The following MAP3K4 variants were observed in gnomAD, a reference collection of about 807,000 sequenced individuals.
MAP3K4 encodes the protein mitogen-activated protein kinase kinase kinase 4, also known as MAP three kinase 1.
MAP3K4 carries 67 observed loss-of-function variants against 185.6 expected under a neutral mutation model. The ratio of observed to expected loss-of-function variants is 0.36; its 90% CI spans 0.30 to 0.44. The LOEUF is 0.44. Ranked by LOEUF, MAP3K4 falls within the 20% of genes least tolerant of loss-of-function variation. The pLI is 1.00. For synonymous variants in MAP3K4, 702 were observed against 710.4 expected, an observed-to-expected ratio of 0.99 and a Z score of 0.19; for missense variants, 1,551 against 1,995.1, an observed-to-expected ratio of 0.78 and a Z score of 4.24.
intron 1 of MAP3K4, among the ~76,000 whole-genome samples, chr6:161,025,851 T>G (rs977745481): frequency 2.0e-4 from 31 of 152,322 alleles, no homozygotes; most frequent in Admixed American, 1.1e-3. Context: ...TAAGCCCCTT[T>G]GTTTGTTTTT....
chr6:161,089,211 T>C, intron 10 of MAP3K4, 111 bp from the exon 11 acceptor site: 1 of 1,172,052 alleles, frequency 8.5e-7, no homozygotes, highest in Non-Finnish European at 1.2e-6. Flanking sequence ...GATTAGATGG[T>C]TGTTGGCCTG....
chr6:161,023,899 C>G (rs1782516100), intron 1 of MAP3K4, among the ~76,000 whole-genome samples: 2 of 152,274 alleles, frequency 1.3e-5, no homozygotes, highest in South Asian at 4.1e-4. Flanking sequence ...AGTCATGAAA[C>G]TATTCAATGT....
chr6:161,048,997 AAGAC>A lies in MAP3K4; in HGVS notation c.728_731del (p.Asp243GlyfsTer20). The A allele has an allele frequency of 6.2e-7, 1 of 1,614,086 alleles. No individual in the cohort carries two copies. Among genetic ancestry groups the A allele is most frequent in the Non-Finnish European group, 8.5e-7 (1 of 1,179,986 alleles). ...AAGCTTACCTCAGTCTCAAAGAAAA[AAGAC>A]AGGGAGCAAAGAGGACAAGAAAATA... On this transcript the variant is annotated frameshift_variant, in exon 3 of 27. Coordinates refer to ENST00000392142, the MANE Select transcript of MAP3K4 (RefSeq NM_005922.4). LOFTEE classifies it high-confidence loss of function. The surrounding 1 kb of genome is among the most constrained non-coding windows in gnomAD (Gnocchi z 4.7).
intron 1 of MAP3K4, among the ~76,000 whole-genome samples, chr6:160,998,979 C>T (rs912289104): frequency 6.6e-6 from 1 of 152,182 alleles, no homozygotes; most frequent in African/African-American, 2.4e-5. Context: ...AGACCTACCT[C>T]AGCAGTATTG....
intron 2 of MAP3K4, among the ~76,000 whole-genome samples, chr6:161,035,718 A>C (rs994168638): frequency 1.3e-5 from 2 of 152,242 alleles, no homozygotes; most frequent in African/African-American, 4.8e-5. Context: ...TGACTATAGA[A>C]GTTTCTTATC....
chr6:161,014,719 G>C (rs1782005516), intron 1 of MAP3K4, among the ~76,000 whole-genome samples: 1 of 152,086 alleles, frequency 6.6e-6, no homozygotes, highest in Non-Finnish European at 1.5e-5. Context: ...TAACAGTAGG[G>C]CTCTTGCCTT....
intron 3 of MAP3K4, among the ~76,000 whole-genome samples, chr6:161,065,929 C>T: frequency 1.3e-5 from 1 of 75,220 alleles, no homozygotes; most frequent in Non-Finnish European, 2.9e-5. Context: ...AAGAGCAAGA[C>T]TCCGTCTCAA....
Position 161,093,169 on chromosome 6 carries a change from A to T in MAP3K4, c.3348+113A>T, listed in dbSNP as rs890899045. 61 of 678,646 alleles carry T rather than the reference A, an allele frequency of 9.0e-5. 1 individual carries two copies. In the African/African-American group the frequency reaches 9.3e-4, roughly 10 times the overall value. The allele number at this position is 678,646 out of a possible 1,614,324, so 42.0% of individuals were successfully genotyped here. On this transcript the variant is annotated intron_variant, in intron 14 of 26. Coordinates refer to ENST00000392142, the MANE Select transcript of MAP3K4 (RefSeq NM_005922.4). This position sits in a 1 kb window ranked among gnomAD's most constrained non-coding sequence, Gnocchi z 5.2. ...GTTTTTTTCATGAGATATTAATCTC[A>T]GCATATCATGTAATGATAATGCTGA...
intron 11 of MAP3K4, among the ~76,000 whole-genome samples, chr6:161,090,263 GGA>G (rs1374171077): frequency 1.3e-5 from 2 of 152,218 alleles, no homozygotes; most frequent in African/African-American, 4.8e-5. Context: ...ATTGCCTGAT[GGA>G]GACCTTGTGT....
chr6:161,087,243 C>T lies in MAP3K4; in HGVS notation c.2557-445C>T, dbSNP rs1785773310. Among the ~76,000 whole-genome samples, 1 of 152,322 alleles carries T rather than the reference C, an allele frequency of 6.6e-6. No homozygotes were observed. ...CACCACATGTGTACCCTTTGAGAAA[C>T]TGATCTCAAGGAGCCTTCTTGTGAT... On this transcript the variant is annotated intron_variant, in intron 9 of 26. Coordinates refer to ENST00000392142, the MANE Select transcript of MAP3K4 (RefSeq NM_005922.4). This position sits in a 1 kb window ranked among gnomAD's most constrained non-coding sequence, Gnocchi z 4.9.
At chr6:161,028,767 C>T (rs1782788405) in intron 1 of MAP3K4, among the ~76,000 whole-genome samples, 1 of 151,934 alleles carries the variant, frequency 6.6e-6, no homozygotes, top group African/African-American at 2.4e-5. Context: ...TTGTAAAGAC[C>T]CTATGCTCTG....
At chr6:161,042,617 CTGTT>C (rs1404484528) in intron 2 of MAP3K4, among the ~76,000 whole-genome samples, 2 of 152,280 alleles carry the variant, frequency 1.3e-5, no homozygotes, top group East Asian at 1.9e-4. Context: ...TCAAATATAA[CTGTT>C]TGTTCTTAAG....
In MAP3K4 at chr6:161,048,859, C is replaced by T. The variant is rs1170438773; in HGVS notation, c.587C>T (p.Ala196Val). ...KPYLSLGCSN[A>V]KLPVSVPMPI... ...TACCTCAGCCTTGGCTGTAGCAATG[C>T]TAAGCTTCCAGTATCTGTGCCCATG... is the stretch of plus-strand genomic sequence containing the variant. The change falls in exon 3 of 27, where the codon GCT becomes GTT. Residue 196 changes from alanine (A) to valine (V), a missense_variant. Around this residue, in one of 16 missense-constraint regions of MAP3K4, gnomAD observed 287 missense variants for 268.8 expected, o/e 1.07. Coordinates refer to ENST00000392142, the MANE Select transcript of MAP3K4 (RefSeq NM_005922.4). This position sits in a 1 kb window ranked among gnomAD's most constrained non-coding sequence, Gnocchi z 4.7. 1 of 1,614,172 alleles carries T rather than the reference C, an allele frequency of 6.2e-7. No individual in the cohort carries two copies. The highest frequency in any genetic ancestry group is 8.5e-7 in the Non-Finnish European group (1 of 1,180,024).
Position 161,076,392 on chromosome 6 carries a change from T to A in MAP3K4, c.2097+2780T>A, listed in dbSNP as rs1017224737. The stretch of plus-strand genomic sequence containing the variant: ...GGGAGGGGAAGCAGTGATTAGCAAG[T>A]TATGATGCAGAAATTCTGTGACCTT... On this transcript the variant is annotated intron_variant, in intron 5 of 26. Coordinates refer to ENST00000392142, the MANE Select transcript of MAP3K4 (RefSeq NM_005922.4). The surrounding 1 kb of genome is among the most constrained non-coding windows in gnomAD (Gnocchi z 4.2). 2.0e-5 allele frequency among the ~76,000 whole-genome samples: 3 copies of A among 152,160 alleles called. No homozygotes were observed. Among genetic ancestry groups the A allele is most frequent in the Non-Finnish European group, 4.4e-5 (3 of 68,032 alleles).
chr6:161,024,497 A>C (rs1033776472), intron 1 of MAP3K4, among the ~76,000 whole-genome samples: 9 of 152,204 alleles, frequency 5.9e-5, no homozygotes, highest in African/African-American at 1.9e-4. Context: ...TCCAGGGACC[A>C]CATTAGTTGT....
intron 1 of MAP3K4, among the ~76,000 whole-genome samples, chr6:161,000,208 TAAA>T (rs1781202823): frequency 6.6e-6 from 1 of 152,224 alleles, no homozygotes; most frequent in Admixed American, 6.5e-5. Flanking sequence ...TCTGTTCTAT[TAAA>T]AATTGTTCAT....
chr6:160,992,077 C>T lies in MAP3K4; in HGVS notation c.146C>T (p.Ala49Val), dbSNP rs868511310. 1 of 1,569,362 alleles carries T rather than the reference C, an allele frequency of 6.4e-7. No homozygotes were observed. Reference protein sequence around the residue: ...ETESEPECCLAARQEGTLGDS... With the variant: ...ETESEPECCLVARQEGTLGDS... Reference sequence around the variant, plus strand: ...GAGTCAGAACCCGAGTGCTGCTTGGCGGCGAGGTGAGTGTGGCGGCCGCAG... The same window carrying T: ...GAGTCAGAACCCGAGTGCTGCTTGGTGGCGAGGTGAGTGTGGCGGCCGCAG... The change falls in exon 1 of 27, where the codon GCG becomes GTG. Residue 49 changes from alanine to valine, a missense_variant. This residue lies in a region of MAP3K4 where 287 missense variants were observed against 268.8 expected (regional missense o/e 1.07). Transcript: ENST00000392142.
chr6:161,099,724 G>A (rs1052165155), intron 17 of MAP3K4, among the ~76,000 whole-genome samples: 6 of 152,220 alleles, frequency 3.9e-5, no homozygotes, highest in Admixed American at 2.0e-4. Context: ...ACATGAGACT[G>A]CTCCCGAACT....
chr6:161,046,672 A>G (rs149100158), intron 2 of MAP3K4, among the ~76,000 whole-genome samples: 3,911 of 151,504 alleles, frequency 0.026, 61 homozygotes, highest in Non-Finnish European at 0.038. Flanking sequence ...TCTTTGGGAA[A>G]TTTGTTTAAA....
Sources: gnomAD v4.1 joint callset for allele counts (sites outside exome capture counted in the v4.1 genomes callset) on GRCh38, gnomAD v4.1.1 for gene constraint, gnomAD v4.1.1 regional missense constraint, Gnocchi (gnomAD v3.1) non-coding constraint, MANE v1.5 for transcripts, NCBI Gene and HGNC (gene_info 2026-07-23, HGNC 2026-07-21) for gene names.